TRAM2: variants seen among roughly 807,000 people sequenced by gnomAD.
TRAM2 encodes the protein translocation associated membrane protein 2, also known as translocating chain-associated membrane protein 2.
In TRAM2, 12 loss-of-function variants were observed where a neutral mutation model predicts 51.0. That is an observed-to-expected ratio of 0.24 (90% CI 0.15 to 0.38). TRAM2 has a LOEUF of 0.38. Among genes scored for constraint, TRAM2 ranks in the 10% least tolerant of loss-of-function variants. TRAM2 has a pLI of 1.00. For synonymous variants in TRAM2, 175 were observed against 179.4 expected (o/e 0.98, Z 0.20); for missense variants, 361 against 462.0 (o/e 0.78, Z 2.00).
intron 1 of TRAM2, among the ~76,000 whole-genome samples, chr6:52,538,174 A>C (rs1321452441): frequency 1.3e-5 from 2 of 152,390 alleles, no homozygotes; most frequent in East Asian, 3.9e-4. Flanking sequence ...AGGAGCCAGG[A>C]GAAAGCAGGC....
chr6:52,571,087 T>C (rs994095357), intron 1 of TRAM2, among the ~76,000 whole-genome samples: 17 of 152,208 alleles, frequency 1.1e-4, no homozygotes, highest in African/African-American at 4.1e-4. Context: ...ACCCCTTTCT[T>C]TAACCATTAG....
chr6:52,505,577 C>A, intron 9 of TRAM2, 22 bp downstream of exon 9: 1 of 1,593,406 alleles, frequency 6.3e-7, no homozygotes, highest in Non-Finnish European at 8.6e-7. Flanking sequence ...GGCTTATCAC[C>A]TTGGACTTCT....
In TRAM2 at chr6:52,503,067, T is replaced by A; in HGVS notation, c.*130A>T. On this transcript the variant is annotated 3_prime_UTR_variant, in exon 11 of 11. Transcript: ENST00000182527. ...GAAAGCGAAACGCCCCCTCCCCCCA[T>A]TGCAAGACAGGTTTCGGCTGTTTGA... 1.3e-6 allele frequency: 1 copy of A among 778,786 alleles called. No homozygotes were observed. Among genetic ancestry groups the A allele is most frequent in the Non-Finnish European group, 2.2e-6 (1 of 451,640 alleles). The allele number at this position is 778,786 out of a possible 1,614,324, so 48.2% of individuals were successfully genotyped here.
At chr6:52,514,373 T>C (rs890560728) in intron 4 of TRAM2, among the ~76,000 whole-genome samples, 2 of 152,110 alleles carry the variant, frequency 1.3e-5, no homozygotes, top group African/African-American at 4.8e-5. Context: ...GAGTCAAATG[T>C]TGTTAGGAAG....
Position 52,516,040 on chromosome 6 carries a change from G to C in TRAM2, c.377C>G (p.Thr126Ser). The C allele has an allele frequency of 1.9e-6, 3 of 1,614,194 alleles. No homozygotes were observed. Among genetic ancestry groups the C allele is most frequent in the Non-Finnish European group, 2.5e-6 (3 of 1,180,038 alleles). Residue 126 changes from threonine to serine, a missense_variant, in exon 4 of 11, where the codon ACC (threonine) becomes AGC (serine). Coordinates refer to ENST00000182527, the MANE Select transcript of TRAM2 (RefSeq NM_012288.4). The stretch of plus-strand genomic sequence containing the variant: ...CACGTAGAAGCACCAAATCACCGAG[G>C]TGAAATGAAAGACGACCAGCTGTCC... ...ESGQLVVFHF[T>S]SVIWCFYVVV...
intron 4 of TRAM2, among the ~76,000 whole-genome samples, chr6:52,512,673 A>G (rs1446840369): frequency 6.6e-6 from 1 of 152,238 alleles, no homozygotes; most frequent in Non-Finnish European, 1.5e-5. Flanking sequence ...CCATGAGCTA[A>G]GCAAGGCCTC....
At chr6:52,573,619 T>C (rs767328565) in intron 1 of TRAM2, among the ~76,000 whole-genome samples, 6 of 151,972 alleles carry the variant, frequency 3.9e-5, no homozygotes, top group Admixed American at 2.6e-4. Flanking sequence ...GGGGTAGCAA[T>C]AGGGGTGAGT....
At chr6:52,574,790 A>C (rs940767728) in intron 1 of TRAM2, among the ~76,000 whole-genome samples, 3 of 152,162 alleles carry the variant, frequency 2.0e-5, no homozygotes, top group Non-Finnish European at 2.9e-5. Flanking sequence ...TTTCCATAAG[A>C]CTAGAGACCC....
At chr6:52,506,183 T>C (rs1184988929) in intron 7 of TRAM2, 47 bp from the exon 8 acceptor site, 32 of 1,561,618 alleles carry the variant, frequency 2.0e-5, no homozygotes, top group Non-Finnish European at 2.8e-5. Flanking sequence ...AGATGCTGCG[T>C]GGAGCAGAAG....
intron 1 of TRAM2, among the ~76,000 whole-genome samples, chr6:52,559,005 C>T (rs967735227): frequency 6.6e-6 from 1 of 152,182 alleles, no homozygotes; most frequent in Non-Finnish European, 1.5e-5. Flanking sequence ...CCTGTGCCTT[C>T]CTTATAGGAC....
intron 1 of TRAM2, among the ~76,000 whole-genome samples, chr6:52,569,356 C>T (rs1460324745): frequency 1.4e-5 from 2 of 146,406 alleles, no homozygotes; most frequent in Non-Finnish European, 3.0e-5. Flanking sequence ...CACCACTGTA[C>T]TCCAGCCTGG....
intron 2 of TRAM2, among the ~76,000 whole-genome samples, chr6:52,526,956 C>G (rs1306246260): frequency 6.6e-6 from 1 of 151,996 alleles, no homozygotes; most frequent in Non-Finnish European, 1.5e-5. Flanking sequence ...AATAATCTCT[C>G]AAGAATCACA....
intron 4 of TRAM2, 80 bp downstream of exon 4, chr6:52,515,926 T>C: frequency 8.2e-7 from 1 of 1,225,184 alleles, no homozygotes; most frequent in South Asian, 1.3e-5. Context: ...TCCTTTGCAG[T>C]CATTTGATTA....
intron 4 of TRAM2, among the ~76,000 whole-genome samples, chr6:52,515,186 T>G (rs1317301442): frequency 6.6e-6 from 1 of 152,062 alleles, no homozygotes; most frequent in Non-Finnish European, 1.5e-5. Flanking sequence ...GTCACAGGGT[T>G]GCTGAATTTT....
At chr6:52,514,934 AGTCTTGG>A (rs2114068921) in intron 4 of TRAM2, among the ~76,000 whole-genome samples, 1 of 152,336 alleles carries the variant, frequency 6.6e-6, no homozygotes, top group Non-Finnish European at 1.5e-5. Context: ...AGAGGACAGA[AGTCTTGG>A]GCCCCCCATT....
intron 2 of TRAM2, among the ~76,000 whole-genome samples, chr6:52,517,885 C>T (rs1042486516): frequency 9.2e-5 from 14 of 152,046 alleles, no homozygotes; most frequent in Admixed American, 3.3e-4. Flanking sequence ...GAGAATGTAA[C>T]GGTGGGCAGT....
chr6:52,548,289 C>T (rs1562485733), intron 1 of TRAM2, among the ~76,000 whole-genome samples: 1 of 152,234 alleles, frequency 6.6e-6, no homozygotes, highest in African/African-American at 2.4e-5. Flanking sequence ...AAACCAACCA[C>T]TCTTCTTTGA....
At chr6:52,567,474 G>A (rs1033935752) in intron 1 of TRAM2, among the ~76,000 whole-genome samples, 1 of 152,254 alleles carries the variant, frequency 6.6e-6, no homozygotes, top group African/African-American at 2.4e-5. Flanking sequence ...TGGCCAAATG[G>A]TTGAATAGTG....
intron 1 of TRAM2, among the ~76,000 whole-genome samples, chr6:52,570,799 C>CT (rs553109347): frequency 1.7e-5 from 2 of 117,584 alleles, no homozygotes; most frequent in African/African-American, 3.1e-5. Flanking sequence ...CCCACCACCC[C>CT]CCCCCCCACA....
Sources: gnomAD v4.1 joint callset for allele counts (sites outside exome capture counted in the v4.1 genomes callset) on GRCh38, gnomAD v4.1.1 for gene constraint, MANE v1.5 for transcripts, NCBI Gene and HGNC (gene_info 2026-07-23, HGNC 2026-07-21) for gene names.